Variants in FBXO40 observed in about 807,000 individuals in gnomAD.
FBXO40 encodes the protein F-box only protein 40.
A neutral mutation model predicts 49.9 loss-of-function variants in FBXO40; 50 were observed. The ratio of observed to expected loss-of-function variants is 1.00; its 90% CI spans 0.80 to 1.27. The LOEUF (loss-of-function observed/expected upper bound fraction) is 1.27. Among genes scored for constraint, FBXO40 ranks in the 50% most tolerant of loss-of-function variants. The pLI, the probability that FBXO40 is intolerant of heterozygous loss-of-function variation, is 0.00. For missense variants in FBXO40, 895 were observed against 870.1 expected, an observed-to-expected ratio of 1.03 and a Z score of -0.36; for synonymous variants, 340 against 320.2, an observed-to-expected ratio of 1.06 and a Z score of -0.66.
chr3:121,601,000 T>C (rs184468795), intron 1 of FBXO40, among the ~76,000 whole-genome samples: 1 of 152,290 alleles, frequency 6.6e-6, no homozygotes, highest in Non-Finnish European at 1.5e-5. Flanking sequence ...TTTGATCATT[T>C]TGGGGCAACA....
intron 3 of FBXO40, among the ~76,000 whole-genome samples, chr3:121,626,071 G>A (rs2049060418): frequency 1.3e-5 from 2 of 152,172 alleles, no homozygotes; most frequent in South Asian, 2.1e-4. Flanking sequence ...TCAACCTAAA[G>A]TGGCATAAAC....
At position 121,623,066 on chromosome 3, in the gene FBXO40, A is replaced by G. The variant is rs1310136205; in HGVS notation, c.1637A>G (p.Lys546Arg). 2 of 1,614,240 alleles carry G rather than the reference A, an allele frequency of 1.2e-6. No homozygotes were observed. The highest frequency in any genetic ancestry group is 2.2e-5 in the South Asian group (2 of 91,080). ...CAGGAGCTCAAGACCTTTGCCATTA[A>G]GCCGGAGGTTGCTCCAGAGCTGAGC... ...YSQELKTFAI[K>R]PEVAPELSEG... Residue 546 changes from lysine (K) to arginine (R), a missense_variant, in exon 3 of 4, where the codon AAG becomes AGG. Lys to Arg is a conservative substitution (Grantham distance 26). Transcript: ENST00000338040.
chr3:121,622,617 C>G lies in FBXO40; in HGVS notation c.1188C>G (p.Ile396Met). 1 of 1,614,184 alleles carries G rather than the reference C, an allele frequency of 6.2e-7. No individual in the cohort carries two copies. The highest frequency in any genetic ancestry group is 8.5e-7 in the Non-Finnish European group (1 of 1,180,036). The change falls in exon 3 of 4, where the codon ATC becomes ATG. Residue 396 changes from isoleucine to methionine, a missense_variant. Ile to Met is a conservative substitution (Grantham distance 10). Coordinates refer to ENST00000338040, the MANE Select transcript of FBXO40 (RefSeq NM_016298.4). ...AGGACCTGCCCAAATCAGATCTCAT[C>G]AAGACCACCCTCCAGTGTGCTTTGG... ...TVEDLPKSDL[I>M]KTTLQCALER...
intron 1 of FBXO40, among the ~76,000 whole-genome samples, chr3:121,600,726 A>G (rs1181863015): frequency 1.3e-5 from 2 of 152,190 alleles, no homozygotes; most frequent in Non-Finnish European, 2.9e-5. Context: ...GTGCCTCAGA[A>G]TCCTTATTCA....
intron 1 of FBXO40, among the ~76,000 whole-genome samples, chr3:121,607,925 T>C (rs1275198509): frequency 6.6e-6 from 1 of 152,180 alleles, no homozygotes; most frequent in Non-Finnish European, 1.5e-5. Context: ...ATGAGTGGAA[T>C]TATGAAAATG....
chr3:121,613,176 C>A (rs1242802900), intron 1 of FBXO40, among the ~76,000 whole-genome samples: 1 of 152,088 alleles, frequency 6.6e-6, no homozygotes, highest in Admixed American at 6.5e-5. Context: ...ATAGGTACTG[C>A]GTTCTCCACC....
chr3:121,630,167 T>G lies in FBXO40; in HGVS notation c.*3257T>G, dbSNP rs1285443905. On this transcript the variant is annotated 3_prime_UTR_variant, in exon 4 of 4. Coordinates refer to ENST00000338040, the MANE Select transcript of FBXO40 (RefSeq NM_016298.4). The stretch of plus-strand genomic sequence containing the variant: ...CACGAAAATCACTATAAAAGTCTGA[T>G]TTATGTGTGATGTCAAATCAAACTG... 1 of 152,236 alleles carries G rather than the reference T, an allele frequency of 6.6e-6. No individual in the cohort carries two copies. Among genetic ancestry groups the G allele is most frequent in the African/African-American group, 2.4e-5 (1 of 41,468 alleles). The allele number at this position is 152,236 out of a possible 1,614,324, so 9.4% of individuals were successfully genotyped here.
intron 3 of FBXO40, among the ~76,000 whole-genome samples, chr3:121,624,304 A>G (rs963300835): frequency 6.6e-6 from 1 of 152,086 alleles, no homozygotes; most frequent in Admixed American, 6.6e-5. Flanking sequence ...AGAGCTTTTT[A>G]TGTGCCAAGC....
chr3:121,596,393 A>T (rs1333901272), intron 1 of FBXO40, among the ~76,000 whole-genome samples: 2 of 152,250 alleles, frequency 1.3e-5, no homozygotes, highest in Non-Finnish European at 2.9e-5. Flanking sequence ...TTTCTCCTCT[A>T]GGAAACAAGG....
chr3:121,619,021 G>A lies in FBXO40; in HGVS notation c.-30-1525G>A, dbSNP rs1276251375. ...GTTTGTTTGTTTGTTTTTGAGACAG[G>A]GTCTTACTCTCTCACCCAGGCTGGA... On this transcript the variant is annotated intron_variant, in intron 1 of 3. Transcript: ENST00000338040. 6.0e-5 allele frequency among the ~76,000 whole-genome samples: 9 copies of A among 150,646 alleles called. 1 individual carries two copies. The highest frequency in any genetic ancestry group is 5.3e-4 in the Admixed American group (8 of 15,116).
chr3:121,612,039 A>C (rs6779865), intron 1 of FBXO40, among the ~76,000 whole-genome samples: 80,631 of 151,926 alleles, frequency 0.53, 21,928 homozygotes, highest in Admixed American at 0.62. Context: ...AAAATGGAGT[A>C]TCTTATGTCT....
At chr3:121,618,762 T>C (rs758818833) in intron 1 of FBXO40, among the ~76,000 whole-genome samples, 1 of 151,586 alleles carries the variant, frequency 6.6e-6, no homozygotes, top group Non-Finnish European at 1.5e-5. Flanking sequence ...TGTGCGTGTG[T>C]GGTTGGAGGG....
Position 121,621,757 on chromosome 3 carries a change from ACCC to A in FBXO40, c.329_331del (p.Thr110_Leu111delinsIle). The stretch of plus-strand genomic sequence containing the variant: ...CTGGCCAAATGTGGACTCTGAAACC[ACCC>A]TTCATGAAAACATCATGAAAGAGAC... On this transcript the variant is annotated inframe_deletion, in exon 3 of 4. Transcript: ENST00000338040. 6.2e-7 allele frequency: 1 copy of A among 1,614,028 alleles called. No homozygotes were observed. Among genetic ancestry groups the A allele is most frequent in the Admixed American group, 1.7e-5 (1 of 60,008 alleles).
intron 1 of FBXO40, among the ~76,000 whole-genome samples, chr3:121,597,873 G>A (rs2048880732): frequency 6.6e-6 from 1 of 152,016 alleles, no homozygotes; most frequent in African/African-American, 2.4e-5. Context: ...ATGTTGGCCA[G>A]GCTGGTGTCA....
chr3:121,617,719 G>C (rs2049006131), intron 1 of FBXO40, among the ~76,000 whole-genome samples: 1 of 151,964 alleles, frequency 6.6e-6, no homozygotes, highest in Admixed American at 6.6e-5. Context: ...ACTAAAAGAG[G>C]CCAGGCATAG....
chr3:121,625,719 T>A (rs1416814840), intron 3 of FBXO40, among the ~76,000 whole-genome samples: 1 of 152,244 alleles, frequency 6.6e-6, no homozygotes, highest in African/African-American at 2.4e-5. Flanking sequence ...TGGGACGAGC[T>A]AATTTCCTTG....
chr3:121,615,857 ATAAGTAT>A (rs765932796), intron 1 of FBXO40, among the ~76,000 whole-genome samples: 1 of 152,204 alleles, frequency 6.6e-6, no homozygotes, highest in Non-Finnish European at 1.5e-5. Context: ...TCTTCAGACC[ATAAGTAT>A]TAACCTTACA....
intron 1 of FBXO40, among the ~76,000 whole-genome samples, chr3:121,599,259 G>A (rs72955320): frequency 0.12 from 17,872 of 152,006 alleles, 1,859 homozygotes; most frequent in East Asian, 0.58. Context: ...CCTGAGGCCC[G>A]GAGTTTGAGA....
rs924069027 is a variant in FBXO40, at chr3:121,622,587, T to C, written c.1158T>C (p.Thr386=). 1 of 1,614,096 alleles carries C rather than the reference T, an allele frequency of 6.2e-7. No individual in the cohort carries two copies. Among genetic ancestry groups the C allele is most frequent in the Non-Finnish European group, 8.5e-7 (1 of 1,180,046 alleles). Residue 386 remains threonine, a synonymous_variant, in exon 3 of 4, where the codon ACT becomes ACC. Transcript: ENST00000338040. ...KAVDTSDLGI[T]VEDLPKSDLI... is the part of the protein sequence containing the mutation. The stretch of plus-strand genomic sequence containing the variant: ...TGGATACTTCAGATTTGGGGATCAC[T>C]GTGGAGGACCTGCCCAAATCAGATC...
Sources: allele counts gnomAD v4.1 joint callset (sites outside exome capture counted in the v4.1 genomes callset), GRCh38; gene constraint gnomAD v4.1.1; transcripts MANE v1.5; gene names NCBI Gene and HGNC (gene_info 2026-07-23, HGNC 2026-07-21).